The following SLTM variants were observed in gnomAD, a reference collection of about 807,000 sequenced individuals.
The protein encoded by SLTM is SAFB-like transcription modulator.
SLTM carries 43 observed loss-of-function variants against 134.6 expected under a neutral mutation model. The ratio of observed to expected loss-of-function variants is 0.32; its 90% CI spans 0.25 to 0.41. The LOEUF (loss-of-function observed/expected upper bound fraction) is 0.41, where lower values mean the gene tolerates loss of function less well. SLTM is among the 10% of genes least tolerant of loss of function. The pLI, the probability that SLTM is intolerant of heterozygous loss-of-function variation, is 1.00. For missense variants in SLTM, 1,055 were observed against 1,288.8 expected, an observed-to-expected ratio of 0.82 and a Z score of 2.78; for synonymous variants, 424 against 432.3, an observed-to-expected ratio of 0.98 and a Z score of 0.24.
chr15:58,908,475 T>A (rs1196198057), intron 5 of SLTM, among the ~76,000 whole-genome samples: 2 of 152,102 alleles, frequency 1.3e-5, no homozygotes, highest in Admixed American at 1.3e-4. Context: ...CAAGTGATCT[T>A]CCAGCCTCAG....
Position 58,887,557 on chromosome 15 carries a change from A to C in SLTM, c.2376-17T>G. On this transcript the variant is annotated splice_polypyrimidine_tract_variant and intron_variant, in intron 17 of 20. Transcript: ENST00000380516. Reference sequence around the variant, plus strand: ...CGATCCCGCCTATTGATTAGAAACAAAGAATATAGGTCCAAGAAGTGCTTA... The same window carrying C: ...CGATCCCGCCTATTGATTAGAAACACAGAATATAGGTCCAAGAAGTGCTTA... 1 of 1,595,518 alleles carries C rather than the reference A, an allele frequency of 6.3e-7. No individual in the cohort carries two copies. Among genetic ancestry groups the C allele is most frequent in the Non-Finnish European group, 8.5e-7 (1 of 1,172,022 alleles).
chr15:58,888,759 G>C, intron 16 of SLTM: 1 of 409,780 alleles, frequency 2.4e-6, no homozygotes. Context: ...GAATTTAACA[G>C]GAGAGAAAAT....
chr15:58,893,482 C>T, intron 12 of SLTM, 118 bp from the exon 13 acceptor site: 1 of 703,820 alleles, frequency 1.4e-6, no homozygotes, highest in Non-Finnish European at 2.3e-6. Context: ...AAAAAAACTA[C>T]TTATTCTACA....
intron 2 of SLTM, chr15:58,932,033 G>A: frequency 5.5e-6 from 1 of 182,118 alleles, no homozygotes; most frequent in East Asian, 1.3e-4. Flanking sequence ...TCTGCCAATT[G>A]TGGGGCAAGG....
chr15:58,921,119 T>A (rs2037014226), intron 2 of SLTM, among the ~76,000 whole-genome samples: 1 of 152,154 alleles, frequency 6.6e-6, no homozygotes, highest in Admixed American at 6.5e-5. Flanking sequence ...AAAACAGCAG[T>A]CATTACCACT....
Position 58,933,381 on chromosome 15 carries a change from TTCCGGTCC to T in SLTM, c.162+15_162+22del. The T allele has an allele frequency of 6.4e-7, 1 of 1,569,900 alleles. No individual in the cohort carries two copies. Among genetic ancestry groups the T allele is most frequent in the East Asian group, 2.5e-5 (1 of 39,814 alleles). On this transcript the variant is annotated intron_variant, in intron 1 of 20. Transcript: ENST00000380516. ...GGCCTAAGTTCCCCTTCCCGGTCCTTTCCGGTCCTCGCCGGGCCTCACCTGCTTGAGTC... is the reference window on the plus strand; with the variant it reads ...GGCCTAAGTTCCCCTTCCCGGTCCTTTCGCCGGGCCTCACCTGCTTGAGTC...
At chr15:58,897,559 AG>A in intron 8 of SLTM, 1 of 173,746 alleles carries the variant, frequency 5.8e-6, no homozygotes, top group Non-Finnish European at 1.2e-5. Flanking sequence ...GCAGTCATTT[AG>A]GAATGAACAG....
At chr15:58,920,668 T>TAAAAAA (rs1489964895) in intron 2 of SLTM, among the ~76,000 whole-genome samples, 66 of 85,956 alleles carry the variant, frequency 7.7e-4, no homozygotes, top group African/African-American at 2.9e-3. Flanking sequence ...TAAATAAAAA[T>TAAAAAA]TTTTTGGCTG....
Position 58,894,209 on chromosome 15 carries a change from C to A in SLTM, c.1378-16G>T. 3 of 1,571,956 alleles carry A rather than the reference C, an allele frequency of 1.9e-6. No homozygotes were observed. The highest frequency in any genetic ancestry group is 2.6e-6 in the Non-Finnish European group (3 of 1,149,800). On this transcript the variant is annotated splice_polypyrimidine_tract_variant and intron_variant, in intron 10 of 20. Transcript: ENST00000380516. ...CACCTTTTACCTGAAAGGTTCGAAC[C>A]AGAAAAACAATTTGTACATATGGTT...
Position 58,879,631 on chromosome 15 carries a change from G to C in SLTM, c.*368C>G, listed in dbSNP as rs1241540519. 1.3e-5 allele frequency: 2 copies of C among 159,736 alleles called. No individual in the cohort carries two copies. Among genetic ancestry groups the C allele is most frequent in the African/African-American group, 4.8e-5 (2 of 41,590 alleles). 9.9% of individuals were successfully genotyped at this position (159,736 alleles called of 1,614,324 possible). ...TTCAAAATGGAGGCTGAAAATGCTTGGTAAAAAGAAGTAACTCTAGAGCCA... is the reference window on the plus strand; with the variant it reads ...TTCAAAATGGAGGCTGAAAATGCTTCGTAAAAAGAAGTAACTCTAGAGCCA... On this transcript the variant is annotated 3_prime_UTR_variant, in exon 21 of 21. Coordinates refer to ENST00000380516, the MANE Select transcript of SLTM (RefSeq NM_024755.4).
At chr15:58,904,290 C>T (rs1219600697) in intron 5 of SLTM, among the ~76,000 whole-genome samples, 1 of 152,106 alleles carries the variant, frequency 6.6e-6, no homozygotes, top group African/African-American at 2.4e-5. Context: ...GGATTACAGG[C>T]ATGAGCTGCC....
At position 58,879,787 on chromosome 15, in the gene SLTM, A is replaced by C; in HGVS notation, c.*212T>G. On this transcript the variant is annotated 3_prime_UTR_variant, in exon 21 of 21. Transcript: ENST00000380516. The stretch of plus-strand genomic sequence containing the variant: ...AAATGTGCCTCGGTGCTGCAAGAAA[A>C]AAAGTTGAATGATACACAAAACTAT... 1 of 543,000 alleles carries C rather than the reference A, an allele frequency of 1.8e-6. No homozygotes were observed. The highest frequency in any genetic ancestry group is 3.0e-6 in the Non-Finnish European group (1 of 334,742). 33.6% of individuals were successfully genotyped at this position (543,000 alleles called of 1,614,324 possible). A position where few individuals can be genotyped will look rare whatever the true frequency, so the allele number is the denominator to read the frequency against.
chr15:58,894,342 C>G, intron 10 of SLTM, 91 bp downstream of exon 10: 1 of 1,501,674 alleles, frequency 6.7e-7, no homozygotes, highest in South Asian at 1.2e-5. Context: ...AAAATCACTG[C>G]AAATTCTACT....
chr15:58,924,575 G>A (rs1166808909), intron 2 of SLTM, among the ~76,000 whole-genome samples: 2 of 152,156 alleles, frequency 1.3e-5, no homozygotes, highest in Non-Finnish European at 2.9e-5. Context: ...AATGGGATAA[G>A]TCAAGACTAT....
intron 5 of SLTM, among the ~76,000 whole-genome samples, chr15:58,911,214 T>C (rs768444029): frequency 6.6e-6 from 1 of 152,172 alleles, no homozygotes; most frequent in Non-Finnish European, 1.5e-5. Context: ...AGAGAGGCAA[T>C]ATATAGCCTC....
rs558472533 is a variant in SLTM, at chr15:58,933,663, G to C, written c.-98C>G. On this transcript the variant is annotated 5_prime_UTR_variant, in exon 1 of 21. Coordinates refer to ENST00000380516, the MANE Select transcript of SLTM (RefSeq NM_024755.4). ...AGGCCTCGGCGGCCGCCGGCGCCGC[G>C]CAGCGCTGCGCACAATGAGCCGCTG... The C allele has an allele frequency of 1.5e-6, 2 of 1,345,956 alleles. No homozygotes were observed. The highest frequency in any genetic ancestry group is 1.5e-5 in the African/African-American group (1 of 64,706). The allele number at this position is 1,345,956 out of a possible 1,614,324, so 83.4% of individuals were successfully genotyped here. A position where few individuals can be genotyped will look rare whatever the true frequency, so the allele number is the denominator to read the frequency against.
At chr15:58,923,288 G>A (rs2037226231) in intron 2 of SLTM, among the ~76,000 whole-genome samples, 1 of 152,114 alleles carries the variant, frequency 6.6e-6, no homozygotes, top group Non-Finnish European at 1.5e-5. Flanking sequence ...AGCCCAGGAG[G>A]TCAAGAATGC....
chr15:58,926,444 C>G (rs2037474447), intron 2 of SLTM, among the ~76,000 whole-genome samples: 1 of 152,000 alleles, frequency 6.6e-6, no homozygotes, highest in African/African-American at 2.4e-5. Flanking sequence ...ATGAAATGTG[C>G]TTTATGTGGT....
At chr15:58,897,757 G>C (rs890843608) in intron 8 of SLTM, among the ~76,000 whole-genome samples, 1 of 151,964 alleles carries the variant, frequency 6.6e-6, no homozygotes, top group Non-Finnish European at 1.5e-5. Context: ...ATATGCAGCT[G>C]GATAACTCTA....
Sources: allele counts gnomAD v4.1 joint callset (sites outside exome capture counted in the v4.1 genomes callset), GRCh38; gene constraint gnomAD v4.1.1; transcripts MANE v1.5; gene names NCBI Gene and HGNC (gene_info 2026-07-23, HGNC 2026-07-21).